Variants in SPMIP7 observed in about 807,000 individuals in gnomAD.
SPMIP7 encodes the protein sperm microtubule inner protein 7.
chr7:50,119,932 C>G, the SPMIP7 span, among the ~76,000 whole-genome samples: 4 of 152,172 alleles, frequency 2.6e-5, no homozygotes, highest in Non-Finnish European at 5.9e-5. Flanking sequence ...ATAAATTACT[C>G]GCTGAACCTG....
chr7:50,146,331 C>T, the SPMIP7 span, among the ~76,000 whole-genome samples: 1 of 152,132 alleles, frequency 6.6e-6, no homozygotes, highest in African/African-American at 2.4e-5. Context: ...CCTCTTAATC[C>T]CCAGGGCAAG....
At chr7:50,135,065 A>C in the SPMIP7 span, among the ~76,000 whole-genome samples, 1 of 152,212 alleles carries the variant, frequency 6.6e-6, no homozygotes, top group South Asian at 2.1e-4. Context: ...CAAGTCCTCA[A>C]GTCTCCCATG....
chr7:50,139,996 C>T, the SPMIP7 span: 2 of 580,376 alleles, frequency 3.4e-6, no homozygotes, highest in Non-Finnish European at 5.8e-6. Flanking sequence ...TAAATAGTCT[C>T]TGTTTAAAAT....
chr7:50,125,219 C>CAT, the SPMIP7 span, among the ~76,000 whole-genome samples: 2 of 72,276 alleles, frequency 2.8e-5, no homozygotes, highest in African/African-American at 1.2e-4. Flanking sequence ...TATATATACA[C>CAT]ATATATACAC....
At chr7:50,151,672 A>ACT in the SPMIP7 span, 1 of 735,996 alleles carries the variant, frequency 1.4e-6, no homozygotes, top group Non-Finnish European at 2.1e-6. Context: ...CATTGTTTTT[A>ACT]AAAATGTGGC....
chr7:50,148,720 C>G, the SPMIP7 span, among the ~76,000 whole-genome samples: 1 of 152,336 alleles, frequency 6.6e-6, no homozygotes, highest in East Asian at 1.9e-4. Flanking sequence ...AGTTCACTCA[C>G]CTAGGTCCCT....
the SPMIP7 span, among the ~76,000 whole-genome samples, chr7:50,150,121 C>T: frequency 6.6e-6 from 1 of 152,186 alleles, no homozygotes; most frequent in African/African-American, 2.4e-5. Flanking sequence ...AAAATTACTC[C>T]TAAGATAAGT....
chr7:50,150,588 G>C, the SPMIP7 span, among the ~76,000 whole-genome samples: 1 of 152,200 alleles, frequency 6.6e-6, no homozygotes, highest in Admixed American at 6.5e-5. Context: ...CAGCACACAG[G>C]ATGGAGCTTC....
the SPMIP7 span, among the ~76,000 whole-genome samples, chr7:50,155,721 A>G: frequency 7.9e-5 from 12 of 152,052 alleles, no homozygotes; most frequent in Admixed American, 3.9e-4. Context: ...TATAACTTGT[A>G]TCTTTCAGCC....
chr7:50,147,290 G>A, the SPMIP7 span, among the ~76,000 whole-genome samples: 1 of 152,260 alleles, frequency 6.6e-6, no homozygotes, highest in East Asian at 1.9e-4. Flanking sequence ...AGGCTCTCCT[G>A]GCTGGGCTGG....
the SPMIP7 span, among the ~76,000 whole-genome samples, chr7:50,127,617 C>CTACATATATATATA: frequency 7.0e-6 from 1 of 142,408 alleles, no homozygotes; most frequent in Admixed American, 7.1e-5. Context: ...ATATCTTTTT[C>CTACATATATATATA]TATATATATA....
the SPMIP7 span, among the ~76,000 whole-genome samples, chr7:50,113,218 A>G: frequency 1.3e-5 from 2 of 150,704 alleles, no homozygotes; most frequent in Non-Finnish European, 3.0e-5. Flanking sequence ...TATTTGCTGG[A>G]AAAAAAATCC....
chr7:50,102,105 T>G, the SPMIP7 span, among the ~76,000 whole-genome samples: 1 of 152,184 alleles, frequency 6.6e-6, no homozygotes, highest in African/African-American at 2.4e-5. Flanking sequence ...AGGCGGATTA[T>G]CTGAGGTCGG....
At chr7:50,152,589 G>A in the SPMIP7 span, among the ~76,000 whole-genome samples, 3 of 152,096 alleles carry the variant, frequency 2.0e-5, no homozygotes, top group Non-Finnish European at 4.4e-5. Context: ...CTAGAGGGAC[G>A]GCAGTTCGCC....
the SPMIP7 span, among the ~76,000 whole-genome samples, chr7:50,104,765 T>G: frequency 1.3e-5 from 2 of 152,182 alleles, no homozygotes; most frequent in African/African-American, 2.4e-5. Context: ...CACCTTCTCA[T>G]GCTGTCTCTT....
At chr7:50,131,644 C>T in the SPMIP7 span, among the ~76,000 whole-genome samples, 1 of 151,978 alleles carries the variant, frequency 6.6e-6, no homozygotes, top group Non-Finnish European at 1.5e-5. Context: ...AACGGAGCAA[C>T]CAGTAAGGTA....
At chr7:50,135,574 C>A in the SPMIP7 span, among the ~76,000 whole-genome samples, 1 of 152,120 alleles carries the variant, frequency 6.6e-6, no homozygotes, top group African/African-American at 2.4e-5. Flanking sequence ...TATATGATTT[C>A]ATCTAGCTAA....
At chr7:50,125,261 C>CACATATATACACATATATATAT in the SPMIP7 span, among the ~76,000 whole-genome samples, 297 of 45,140 alleles carry the variant, frequency 6.6e-3, 138 homozygotes, top group Middle Eastern at 0.018. Context: ...CATATATATA[C>CACATATATACACATATATATAT]ACACATATAT....
At chr7:50,155,104 T>C in the SPMIP7 span, among the ~76,000 whole-genome samples, 1 of 152,256 alleles carries the variant, frequency 6.6e-6, no homozygotes, top group Admixed American at 6.5e-5. Flanking sequence ...TTATCAAATA[T>C]ATGGTTCCCA....
Sources: allele counts gnomAD v4.1 joint callset (sites outside exome capture counted in the v4.1 genomes callset), GRCh38; gene constraint gnomAD v4.1.1; transcripts MANE v1.5; gene names NCBI Gene and HGNC (gene_info 2026-07-23, HGNC 2026-07-21).